Variants in ANKRD6 observed in about 807,000 individuals in gnomAD.
ANKRD6 encodes ankyrin repeat domain-containing protein 6.
Under a neutral mutation model 82.3 loss-of-function variants are expected in ANKRD6, and 56 were observed. The ratio of observed to expected loss-of-function variants is 0.68; its 90% confidence interval spans 0.55 to 0.85. The LOEUF (loss-of-function observed/expected upper bound fraction) is 0.85, where lower values mean the gene tolerates loss of function less well. Among genes scored for constraint, ANKRD6 ranks in the 40% least tolerant of loss-of-function variants. The probability of loss-of-function intolerance (pLI) is 0.00; values close to 1 mark genes in which losing one functional copy is unlikely to be tolerated. For missense variants in ANKRD6, 852 were observed against 907.6 expected (o/e 0.94, Z 0.79); for synonymous variants, 347 against 352.1 (o/e 0.99, Z 0.16).
intron 13 of ANKRD6, 144 bp downstream of exon 13, chr6:89,624,835 T>C: frequency 1.1e-6 from 1 of 889,368 alleles, no homozygotes; most frequent in Non-Finnish European, 1.6e-6. Flanking sequence ...GCTTATGTGA[T>C]TTTGTTAAAG....
Position 89,616,580 on chromosome 6 carries a change from G to A in ANKRD6, c.637G>A (p.Val213Ile), listed in dbSNP as rs751562737. The A allele has an allele frequency of 4.3e-6, 7 of 1,614,014 alleles. No homozygotes were observed. In the Admixed American group the frequency reaches 6.7e-5, roughly 15 times the overall value. The part of the protein sequence containing the change: ...KNQAGDTALH[V>I]AAALNHKKVA... ...CCAGGCTGGAGACACAGCACTTCAC[G>A]TTGCTGCTGCCCTAAATCACAAGAA... The change falls in exon 8 of 16, where the codon GTT (valine) becomes ATT (isoleucine). Residue 213 changes from valine to isoleucine, a missense_variant. Val to Ile is a conservative substitution (Grantham distance 29). Coordinates refer to ENST00000339746, the MANE Select transcript of ANKRD6 (RefSeq NM_001242809.2).
At chr6:89,495,177 G>C (rs1388514093) in intron 1 of ANKRD6, among the ~76,000 whole-genome samples, 2 of 152,214 alleles carry the variant, frequency 1.3e-5, no homozygotes, top group African/African-American at 4.8e-5. Flanking sequence ...AGCTTGCAGC[G>C]AGCCAAGATT....
chr6:89,479,214 C>G (rs528297880), intron 1 of ANKRD6, among the ~76,000 whole-genome samples: 1 of 152,114 alleles, frequency 6.6e-6, no homozygotes, highest in Non-Finnish European at 1.5e-5. Context: ...GAAGATTTCC[C>G]GGGGATGTAT....
At chr6:89,524,143 C>T (rs1462543253) in intron 1 of ANKRD6, among the ~76,000 whole-genome samples, 1 of 152,044 alleles carries the variant, frequency 6.6e-6, no homozygotes, top group Non-Finnish European at 1.5e-5. Flanking sequence ...TGTTTTTCCT[C>T]TTGATAATTT....
At chr6:89,443,907 G>A (rs1406752307) in intron 1 of ANKRD6, among the ~76,000 whole-genome samples, 1 of 152,242 alleles carries the variant, frequency 6.6e-6, no homozygotes, top group Non-Finnish European at 1.5e-5. Flanking sequence ...CACTGTGTGA[G>A]CTTATCTACA....
At chr6:89,625,178 G>A (rs1563147850) in intron 13 of ANKRD6, among the ~76,000 whole-genome samples, 1 of 152,098 alleles carries the variant, frequency 6.6e-6, no homozygotes, top group Non-Finnish European at 1.5e-5. Flanking sequence ...AGCTACTCGG[G>A]AGGCTGAGGC....
chr6:89,623,465 A>G lies in ANKRD6; in HGVS notation c.953A>G (p.Glu318Gly). Residue 318 changes from glutamate (E) to glycine (G), a missense_variant, in exon 11 of 16, where the codon GAA becomes GGA. Glu to Gly is a moderately conservative substitution (Grantham distance 98). Coordinates refer to ENST00000339746, the MANE Select transcript of ANKRD6 (RefSeq NM_001242809.2). ...AGTGAACAGGCTGTGGCCAGAAAAG[A>G]AGAAGCCAGAGAAGAGTTCCTGTCA... ...PSSEQAVARK[E>G]EAREEFLSAS... is the part of the protein sequence containing the mutation. The G allele has an allele frequency of 6.2e-7, 1 of 1,608,878 alleles. No homozygotes were observed. Among genetic ancestry groups the G allele is most frequent in the East Asian group, 2.2e-5 (1 of 44,750 alleles).
At chr6:89,459,262 G>C (rs987349767) in intron 1 of ANKRD6, among the ~76,000 whole-genome samples, 2 of 152,046 alleles carry the variant, frequency 1.3e-5, no homozygotes, top group Non-Finnish European at 2.9e-5. Flanking sequence ...ATTTTTAGTA[G>C]AGACGGAGTT....
chr6:89,620,534 G>T (rs56067945), intron 9 of ANKRD6, among the ~76,000 whole-genome samples: 3,550 of 152,270 alleles, frequency 0.023, 127 homozygotes, highest in African/African-American at 0.081. Flanking sequence ...CGGGGAAGTG[G>T]TTCTCAGACT....
At chr6:89,523,379 T>C (rs1782101668) in intron 1 of ANKRD6, among the ~76,000 whole-genome samples, 1 of 152,226 alleles carries the variant, frequency 6.6e-6, no homozygotes, top group Non-Finnish European at 1.5e-5. Flanking sequence ...AGATAAGATA[T>C]TGAAGAAGGC....
chr6:89,577,253 G>A (rs945779522), intron 2 of ANKRD6, among the ~76,000 whole-genome samples: 14 of 151,954 alleles, frequency 9.2e-5, no homozygotes, highest in Admixed American at 4.6e-4. Flanking sequence ...CTCCACTGAC[G>A]CTTCCTGTCA....
intron 12 of ANKRD6, 100 bp downstream of exon 12, chr6:89,624,157 C>T: frequency 2.3e-6 from 3 of 1,316,596 alleles, no homozygotes; most frequent in Non-Finnish European, 3.1e-6. Flanking sequence ...TAGGCATTGA[C>T]TTAGTTGAGC....
At chr6:89,624,367 C>A in intron 12 of ANKRD6, 172 bp from the exon 13 acceptor site, 1 of 821,316 alleles carries the variant, frequency 1.2e-6, no homozygotes, top group Non-Finnish European at 1.9e-6. Flanking sequence ...ATTTTAGTGT[C>A]TGCTACACCC....
chr6:89,623,417 T>C lies in ANKRD6; in HGVS notation c.905T>C (p.Val302Ala), dbSNP rs762446880. The change falls in exon 11 of 16, where the codon GTC becomes GCC. Residue 302 changes from valine to alanine, a missense_variant. Val to Ala is a moderately conservative substitution (Grantham distance 64). Coordinates refer to ENST00000339746, the MANE Select transcript of ANKRD6 (RefSeq NM_001242809.2). ...RDEVAQSKGS[V>A]SAGDTPSSEQ... is the part of the protein sequence containing the mutation. ...GGCTTTTTCCTTCTGTAGGGCAGTG[T>C]CTCAGCAGGAGACACCCCCAGCAGT... is the stretch of plus-strand genomic sequence containing the variant. 91 of 1,612,322 alleles carry C rather than the reference T, an allele frequency of 5.6e-5. No individual in the cohort carries two copies. Among genetic ancestry groups the C allele is most frequent in the Non-Finnish European group, 7.1e-5 (84 of 1,179,274 alleles).
intron 3 of ANKRD6, chr6:89,602,755 C>T (rs1051835552): frequency 2.8e-5 from 12 of 431,706 alleles, no homozygotes; most frequent in African/African-American, 2.2e-4. Flanking sequence ...GCCTGACCCT[C>T]ATTTTGAGGT....
At chr6:89,523,535 C>T (rs1292693258) in intron 1 of ANKRD6, among the ~76,000 whole-genome samples, 3 of 152,152 alleles carry the variant, frequency 2.0e-5, no homozygotes, top group Non-Finnish European at 2.9e-5. Context: ...ATTGATAACT[C>T]GTTCTTCTCC....
intron 1 of ANKRD6, among the ~76,000 whole-genome samples, chr6:89,550,069 C>G (rs982690700): frequency 2.4e-4 from 36 of 151,990 alleles, no homozygotes; most frequent in African/African-American, 8.5e-4. Flanking sequence ...GCACTCCAGC[C>G]TGAGCAATGA....
chr6:89,508,491 T>C (rs909072680), intron 1 of ANKRD6, among the ~76,000 whole-genome samples: 1 of 152,182 alleles, frequency 6.6e-6, no homozygotes, highest in African/African-American at 2.4e-5. Flanking sequence ...TCATATGAAG[T>C]GTAAAGCAGA....
In ANKRD6 at chr6:89,520,752, T is replaced by G. The variant is rs531251397; in HGVS notation, c.-143-46082T>G. Among the ~76,000 whole-genome samples, 279 of 152,346 alleles carry G rather than the reference T, an allele frequency of 1.8e-3. 1 individual carries two copies. Among genetic ancestry groups the G allele is most frequent in the African/African-American group, 6.6e-3 (273 of 41,578 alleles). On this transcript the variant is annotated intron_variant, in intron 1 of 15. Coordinates refer to ENST00000339746, the MANE Select transcript of ANKRD6 (RefSeq NM_001242809.2). ...TAATTATGATAGTAGTTGCTGTTTGTTTTGTCCTAGCACAGAACAGTAGGA... is the reference window on the plus strand; with the variant it reads ...TAATTATGATAGTAGTTGCTGTTTGGTTTGTCCTAGCACAGAACAGTAGGA...
Sources: allele counts gnomAD v4.1 joint callset (sites outside exome capture counted in the v4.1 genomes callset), GRCh38; gene constraint gnomAD v4.1.1; transcripts MANE v1.5; gene names NCBI Gene and HGNC (gene_info 2026-07-23, HGNC 2026-07-21).